Variants in MBNL1 observed in about 807,000 individuals in gnomAD.
MBNL1 encodes the protein muscleblind like splicing regulator 1.
MBNL1 carries 8 observed loss-of-function variants against 42.2 expected under a neutral mutation model. The ratio of observed to expected loss-of-function variants is 0.19; its 90% CI spans 0.11 to 0.34. The LOEUF is 0.34. MBNL1 is among the 10% of genes least tolerant of loss of function. The probability of loss-of-function intolerance (pLI) is 1.00; values close to 1 mark genes in which losing one functional copy is unlikely to be tolerated. For missense variants in MBNL1, 309 were observed against 495.3 expected (o/e 0.62, Z 3.57); for synonymous variants, 169 against 173.9 (o/e 0.97, Z 0.22).
chr3:152,410,129 T>C (rs1174123026), intron 2 of MBNL1, among the ~76,000 whole-genome samples: 1 of 152,064 alleles, frequency 6.6e-6, no homozygotes, highest in African/African-American at 2.4e-5. Flanking sequence ...ATATATATAC[T>C]ATATTTGTAC....
At chr3:152,347,458 T>C (rs1325013141) in intron 2 of MBNL1, among the ~76,000 whole-genome samples, 1 of 152,166 alleles carries the variant, frequency 6.6e-6, no homozygotes, top group Non-Finnish European at 1.5e-5. Flanking sequence ...AATTTAGGTT[T>C]TATGTCTTTT....
chr3:152,279,603 TAAAAC>T (rs758628788), intron 1 of MBNL1, among the ~76,000 whole-genome samples: 13 of 147,952 alleles, frequency 8.8e-5, no homozygotes, highest in Non-Finnish European at 1.5e-4. Context: ...GTAAAAAAAA[TAAAAC>T]AAACTAGGCC....
intron 2 of MBNL1, among the ~76,000 whole-genome samples, chr3:152,372,031 A>G (rs976850762): frequency 6.6e-6 from 1 of 152,020 alleles, no homozygotes; most frequent in Admixed American, 6.6e-5. Flanking sequence ...TCTTGTCTTC[A>G]TGCTTTATTT....
At chr3:152,297,263 T>TG (rs1348855156) in intron 1 of MBNL1, among the ~76,000 whole-genome samples, 2 of 151,412 alleles carry the variant, frequency 1.3e-5, no homozygotes, top group Admixed American at 1.3e-4. Flanking sequence ...TGTTTTTTTT[T>TG]TTTTTTTTTT....
intron 4 of MBNL1, among the ~76,000 whole-genome samples, chr3:152,437,095 C>A (rs1207225054): frequency 6.6e-6 from 1 of 152,216 alleles, no homozygotes; most frequent in Non-Finnish European, 1.5e-5. Context: ...AATAAATGCA[C>A]ACACTTATTA....
At chr3:152,427,997 A>G (rs1454416140) in intron 3 of MBNL1, among the ~76,000 whole-genome samples, 2 of 151,830 alleles carry the variant, frequency 1.3e-5, no homozygotes, top group East Asian at 3.8e-4. Flanking sequence ...CCCCTGTGAT[A>G]TTTGCAACAT....
chr3:152,384,567 CAAAT>C (rs1203080025), intron 2 of MBNL1, among the ~76,000 whole-genome samples: 1 of 152,020 alleles, frequency 6.6e-6, no homozygotes, highest in East Asian at 1.9e-4. Flanking sequence ...AACTACATGA[CAAAT>C]AGATTGCAGT....
At chr3:152,322,364 CACAA>C (rs1021803190) in intron 2 of MBNL1, among the ~76,000 whole-genome samples, 2 of 152,036 alleles carry the variant, frequency 1.3e-5, no homozygotes, top group African/African-American at 4.8e-5. Flanking sequence ...ATTAAAAAAA[CACAA>C]ACTATTAGAC....
intron 2 of MBNL1, among the ~76,000 whole-genome samples, chr3:152,324,828 A>T (rs2078536301): frequency 1.3e-5 from 2 of 152,054 alleles, no homozygotes; most frequent in Non-Finnish European, 2.9e-5. Flanking sequence ...GTACCTTGGG[A>T]TTGATGTGAG....
chr3:152,399,087 G>A (rs1477024499), intron 2 of MBNL1, among the ~76,000 whole-genome samples: 1 of 151,988 alleles, frequency 6.6e-6, no homozygotes, highest in Admixed American at 6.6e-5. Flanking sequence ...ATTTATATGC[G>A]TGCCTTGTTT....
intron 2 of MBNL1, among the ~76,000 whole-genome samples, chr3:152,301,750 C>T (rs1390464096): frequency 6.6e-6 from 1 of 152,146 alleles, no homozygotes; most frequent in Non-Finnish European, 1.5e-5. Context: ...GTTGTACCTC[C>T]GTGAATGTGT....
At chr3:152,269,415 C>T (rs976601160) in intron 1 of MBNL1, 1 of 412,008 alleles carries the variant, frequency 2.4e-6, no homozygotes, top group Non-Finnish European at 4.9e-6. Context: ...CAGGTGCGTG[C>T]AAGTGTACTC....
intron 2 of MBNL1, among the ~76,000 whole-genome samples, chr3:152,374,384 A>C (rs2096807626): frequency 6.6e-6 from 1 of 152,156 alleles, no homozygotes; most frequent in African/African-American, 2.4e-5. Context: ...CTTCAGCTGG[A>C]AAGTATGTAT....
intron 2 of MBNL1, among the ~76,000 whole-genome samples, chr3:152,349,958 A>C (rs2094760076): frequency 6.6e-6 from 1 of 152,104 alleles, no homozygotes; most frequent in Non-Finnish European, 1.5e-5. Flanking sequence ...GAGAACATGT[A>C]ATTGGTTTGG....
chr3:152,388,270 A>G (rs1173607156), intron 2 of MBNL1, among the ~76,000 whole-genome samples: 1 of 152,312 alleles, frequency 6.6e-6, no homozygotes, highest in East Asian at 1.9e-4. Flanking sequence ...TTGACTGTTC[A>G]TATAAGCCAT....
chr3:152,271,343 T>C (rs13065071), intron 1 of MBNL1, among the ~76,000 whole-genome samples: 17,464 of 152,216 alleles, frequency 0.11, 1,217 homozygotes, highest in Middle Eastern at 0.18. Context: ...AGTAAAATTA[T>C]ATTTCTCATT....
At chr3:152,277,776 A>G (rs1171583999) in intron 1 of MBNL1, among the ~76,000 whole-genome samples, 5 of 152,160 alleles carry the variant, frequency 3.3e-5, no homozygotes. Context: ...TTTAATATAC[A>G]GAGAAAAATT....
At position 152,387,285 on chromosome 3, in the gene MBNL1, G is replaced by A. The variant is rs368374706; in HGVS notation, c.175-27656G>A. Among the ~76,000 whole-genome samples, 65 of 148,860 alleles carry A rather than the reference G, an allele frequency of 4.4e-4. No individual in the cohort carries two copies. In the South Asian group the frequency reaches 0.012, roughly 28 times the overall value. ...GTCTTTGCTATTTTTATATCACTGC[G>A]GTAGCATAACCCTGCACCAAGTACA... is the stretch of plus-strand genomic sequence containing the variant. On this transcript the variant is annotated intron_variant, in intron 2 of 9. Transcript: ENST00000324210.
rs369349819 is a variant in MBNL1 at position 152,317,811 on chromosome 3, C to T, written c.174+17444C>T. 2.2e-4 allele frequency among the ~76,000 whole-genome samples: 34 copies of T among 152,220 alleles called. 1 individual carries two copies. The South Asian group carries it at 4.6e-3, about 20-fold the overall frequency. ...ATGTTCAACGAGATGTTCAAAAAGACGATAAAGGATACATTGTAACCTAAG... is the reference window on the plus strand; with the variant it reads ...ATGTTCAACGAGATGTTCAAAAAGATGATAAAGGATACATTGTAACCTAAG... On this transcript the variant is annotated intron_variant, in intron 2 of 9. Coordinates refer to ENST00000324210, the MANE Select transcript of MBNL1 (RefSeq NM_021038.5).
Sources: allele counts gnomAD v4.1 joint callset (sites outside exome capture counted in the v4.1 genomes callset), GRCh38; gene constraint gnomAD v4.1.1; transcripts MANE v1.5; gene names NCBI Gene and HGNC (gene_info 2026-07-23, HGNC 2026-07-21).